CNTNAP5: variants seen among roughly 807,000 people sequenced by gnomAD.
CNTNAP5 encodes contactin associated protein family member 5.
A neutral mutation model predicts 150.2 loss-of-function variants in CNTNAP5; 72 were observed. The observed-to-expected ratio is 0.48, with a 90% confidence interval of 0.40 to 0.58. The LOEUF is 0.58. Ranked by LOEUF, CNTNAP5 falls within the 20% of genes least tolerant of loss-of-function variation. The probability of loss-of-function intolerance (pLI) is 0.00; values close to 1 mark genes in which losing one functional copy is unlikely to be tolerated. For missense variants in CNTNAP5, 1,636 were observed against 1,626.2 expected, an observed-to-expected ratio of 1.01 and a Z score of -0.10; for synonymous variants, 672 against 619.8, an observed-to-expected ratio of 1.08 and a Z score of -1.25.
intron 3 of CNTNAP5, among the ~76,000 whole-genome samples, chr2:124,250,756 C>A (rs1266624413): frequency 1.3e-5 from 2 of 151,402 alleles, no homozygotes; most frequent in African/African-American, 2.4e-5. Context: ...TGGAAATATT[C>A]CAGGCCTGGC....
intron 13 of CNTNAP5, among the ~76,000 whole-genome samples, chr2:124,711,041 G>C (rs568082662): frequency 6.6e-6 from 1 of 152,242 alleles, no homozygotes; most frequent in African/African-American, 2.4e-5. Context: ...GGGAGGCAGA[G>C]GCGGGTGGAT....
At chr2:124,901,431 G>C (rs1008331343) in intron 21 of CNTNAP5, among the ~76,000 whole-genome samples, 3 of 147,596 alleles carry the variant, frequency 2.0e-5, no homozygotes, top group Non-Finnish European at 2.9e-5. Flanking sequence ...ATTATAGGTT[G>C]AAGTAAGTAT....
At chr2:124,271,709 T>TC (rs1687764800) in intron 3 of CNTNAP5, among the ~76,000 whole-genome samples, 1 of 138,032 alleles carries the variant, frequency 7.2e-6, no homozygotes, top group Non-Finnish European at 1.7e-5. Flanking sequence ...ATCATCTATC[T>TC]ATCTATCTAT....
intron 11 of CNTNAP5, among the ~76,000 whole-genome samples, chr2:124,581,261 C>G (rs924007893): frequency 6.6e-6 from 1 of 152,108 alleles, no homozygotes; most frequent in African/African-American, 2.4e-5. Flanking sequence ...TTTCAGGTTT[C>G]TTAATTTTAA....
At chr2:124,637,034 T>G (rs1677985389) in intron 12 of CNTNAP5, among the ~76,000 whole-genome samples, 1 of 152,192 alleles carries the variant, frequency 6.6e-6, no homozygotes, top group African/African-American at 2.4e-5. Context: ...AACAAATATA[T>G]TCTTCTATGT....
At chr2:124,563,513 T>C (rs575658441) in intron 11 of CNTNAP5, among the ~76,000 whole-genome samples, 190 bp downstream of exon 11, 1 of 152,328 alleles carries the variant, frequency 6.6e-6, no homozygotes, top group African/African-American at 2.4e-5. Context: ...GCCATATTCT[T>C]GTGGAGTTTA....
intron 3 of CNTNAP5, among the ~76,000 whole-genome samples, chr2:124,346,868 C>T (rs969632010): frequency 2.1e-5 from 3 of 142,664 alleles, no homozygotes; most frequent in South Asian, 2.2e-4. Flanking sequence ...GTCAAGAGTT[C>T]GAGACCATCC....
intron 3 of CNTNAP5, among the ~76,000 whole-genome samples, chr2:124,357,838 G>T (rs1368890957): frequency 1.3e-5 from 2 of 148,760 alleles, no homozygotes; most frequent in East Asian, 3.9e-4. Context: ...TTCCAATTCT[G>T]TGAAGAAAGT....
rs75899120 is a variant in CNTNAP5 at position 124,504,223 on chromosome 2, G to A, written c.1063-69G>A. 491 of 1,494,256 alleles carry A rather than the reference G, an allele frequency of 3.3e-4. 3 individuals carry two copies. In the African/African-American group the frequency reaches 5.9e-3, roughly 18 times the overall value. 92.6% of individuals were successfully genotyped at this position (1,494,256 alleles called of 1,614,324 possible). ...AAATTAAGGTCAGCTCCAGGTGGTT[G>A]TTTATATCAGCTGTCAGATTGCGGA... is the stretch of plus-strand genomic sequence containing the variant. On this transcript the variant is annotated intron_variant, in intron 7 of 23. Transcript: ENST00000682447.
intron 2 of CNTNAP5, among the ~76,000 whole-genome samples, chr2:124,222,546 T>C (rs1226785302): frequency 2.6e-5 from 4 of 152,116 alleles, no homozygotes; most frequent in African/African-American, 9.6e-5. Context: ...CTAAATATTA[T>C]AAACTTTTCC....
chr2:124,447,348 C>G lies in CNTNAP5; in HGVS notation c.918+411C>G, dbSNP rs150736441. Reference sequence around the variant, plus strand: ...TCTAAAACCTGCAGTCGAGACTACCCTTTGACTTTCATTCTTCCGATGCAA... The same window carrying G: ...TCTAAAACCTGCAGTCGAGACTACCGTTTGACTTTCATTCTTCCGATGCAA... On this transcript the variant is annotated intron_variant, in intron 6 of 23. Transcript: ENST00000682447. Among the ~76,000 whole-genome samples the G allele has an allele frequency of 9.5e-4, 144 of 152,296 alleles. 4 individuals carry two copies. In the East Asian group the frequency reaches 0.026, roughly 28 times the overall value.
intron 1 of CNTNAP5, among the ~76,000 whole-genome samples, chr2:124,182,110 C>T (rs1055704473): frequency 2.2e-4 from 34 of 152,256 alleles, no homozygotes; most frequent in African/African-American, 7.9e-4. Flanking sequence ...ATACTAACTA[C>T]TTACAAATAT....
rs1558743204 is a variant in CNTNAP5 at position 124,706,894 on chromosome 2, G to GAAGAAGGAGAAGGAGAAGAGGAAGAGA, written c.2078-40329_2078-40328insGAGAAGGAGAAGAGGAAGAGAAAGAAG. On this transcript the variant is annotated intron_variant, in intron 13 of 23. Coordinates refer to ENST00000682447, the MANE Select transcript of CNTNAP5 (RefSeq NM_001367498.1). ...GGAAAGGGAAGAAGAAGAGGAAGAGGAAGAAGAAGGAGGAGGAGGAGGAGA... is the reference window on the plus strand; with the variant it reads ...GGAAAGGGAAGAAGAAGAGGAAGAGGAAGAAGGAGAAGGAGAAGAGGAAGAGAAAGAAGAAGGAGGAGGAGGAGGAGA... Among the ~76,000 whole-genome samples, 520 of 95,186 alleles carry GAAGAAGGAGAAGGAGAAGAGGAAGAGA rather than the reference G, an allele frequency of 5.5e-3. 32 individuals are homozygous for GAAGAAGGAGAAGGAGAAGAGGAAGAGA. The highest frequency in any genetic ancestry group is 0.022 in the African/African-American group (506 of 22,552). 62.4% of individuals were successfully genotyped at this position (95,186 alleles called of 152,430 possible). A position where few individuals can be genotyped will look rare whatever the true frequency, so the allele number is the denominator to read the frequency against.
At chr2:124,043,768 C>T (rs567847037) in intron 1 of CNTNAP5, among the ~76,000 whole-genome samples, 1 of 152,216 alleles carries the variant, frequency 6.6e-6, no homozygotes, top group Admixed American at 6.5e-5. Flanking sequence ...AATGAAAGTA[C>T]CAAAAAATTG....
chr2:124,849,362 A>AT (rs1352394548), intron 19 of CNTNAP5, among the ~76,000 whole-genome samples: 4 of 151,950 alleles, frequency 2.6e-5, no homozygotes, highest in Admixed American at 6.6e-5. Flanking sequence ...GTACCATACT[A>AT]TTTTTTTGTT....
chr2:124,802,619 G>A (rs777559438), intron 19 of CNTNAP5, among the ~76,000 whole-genome samples: 128 of 152,146 alleles, frequency 8.4e-4, no homozygotes, highest in Non-Finnish European at 1.6e-3. Flanking sequence ...GACAGGAAAA[G>A]GGTACAGAAA....
chr2:124,403,596 T>C (rs1309229842), intron 3 of CNTNAP5, among the ~76,000 whole-genome samples: 4 of 152,210 alleles, frequency 2.6e-5, no homozygotes, highest in South Asian at 2.1e-4. Flanking sequence ...CATTTCAATA[T>C]ACCTTTAAGA....
chr2:124,124,541 CA>C (rs1357904558), intron 1 of CNTNAP5, among the ~76,000 whole-genome samples: 1 of 152,114 alleles, frequency 6.6e-6, no homozygotes, highest in Non-Finnish European at 1.5e-5. Flanking sequence ...GGCCTACGTT[CA>C]AATTCAGGAA....
intron 19 of CNTNAP5, among the ~76,000 whole-genome samples, chr2:124,820,173 C>T (rs778416790): frequency 6.6e-6 from 1 of 152,220 alleles, no homozygotes; most frequent in East Asian, 1.9e-4. Flanking sequence ...TTATATTAAG[C>T]CTTTAGTCTG....
Sources: allele counts gnomAD v4.1 joint callset (sites outside exome capture counted in the v4.1 genomes callset), GRCh38; gene constraint gnomAD v4.1.1; transcripts MANE v1.5; gene names NCBI Gene and HGNC (gene_info 2026-07-23, HGNC 2026-07-21).